The following PRICKLE2 variants were observed in gnomAD, a reference collection of about 807,000 sequenced individuals.
PRICKLE2 encodes prickle-like protein 2.
PRICKLE2 carries 21 observed loss-of-function variants against 81.4 expected under a neutral mutation model. The ratio of observed to expected loss-of-function variants is 0.26; its 90% CI spans 0.18 to 0.37. The LOEUF (loss-of-function observed/expected upper bound fraction) is 0.37. PRICKLE2 is among the 10% of genes least tolerant of loss of function. The probability of loss-of-function intolerance (pLI) is 1.00; values close to 1 mark genes in which losing one functional copy is unlikely to be tolerated. For missense variants in PRICKLE2, 940 were observed against 1,109.0 expected (o/e 0.85, Z 2.16); for synonymous variants, 456 against 421.5 (o/e 1.08, Z -1.00).
intron 1 of PRICKLE2, among the ~76,000 whole-genome samples, chr3:64,201,993 T>G (rs1389195507): frequency 2.0e-5 from 3 of 152,170 alleles, no homozygotes; most frequent in African/African-American, 2.4e-5. Context: ...AAAAGAATAA[T>G]CTTTCCCATT....
chr3:64,246,224 A>G (rs1171543295), intron 2 of PRICKLE2, among the ~76,000 whole-genome samples: 1 of 152,184 alleles, frequency 6.6e-6, no homozygotes, highest in Admixed American at 6.5e-5. Context: ...CCTGGGCGAC[A>G]AAGCAAGACT....
intron 1 of PRICKLE2, 146 bp downstream of exon 1, chr3:64,224,764 G>C: frequency 4.0e-6 from 1 of 253,052 alleles, no homozygotes; most frequent in Non-Finnish European, 6.2e-6. Context: ...AAAAGGGGTC[G>C]CAGGGCCACC....
Position 64,098,734 on chromosome 3 carries a change from T to C in PRICKLE2, c.*317A>G. On this transcript the variant is annotated 3_prime_UTR_variant, in exon 8 of 8. Coordinates refer to ENST00000638394, the MANE Select transcript of PRICKLE2 (RefSeq NM_198859.4). Reference sequence around the variant, plus strand: ...CTAAAAGTAAGAGAACCAGAGAGGATAAAAGCGAGCAGGAAACAATTTACC... The same window carrying C: ...CTAAAAGTAAGAGAACCAGAGAGGACAAAAGCGAGCAGGAAACAATTTACC... 2.7e-6 allele frequency: 1 copy of C among 371,032 alleles called. No individual in the cohort carries two copies. Among genetic ancestry groups the C allele is most frequent in the Non-Finnish European group, 5.0e-6 (1 of 198,766 alleles). The allele number at this position is 371,032 out of a possible 1,614,324, so 23.0% of individuals were successfully genotyped here.
chr3:64,165,798 C>T (rs938699230), intron 2 of PRICKLE2, among the ~76,000 whole-genome samples: 2 of 152,130 alleles, frequency 1.3e-5, no homozygotes, highest in African/African-American at 4.8e-5. Context: ...TGTGAGCCAC[C>T]CCATCAGGCC....
intron 2 of PRICKLE2, among the ~76,000 whole-genome samples, chr3:64,253,542 G>C (rs933786880): frequency 5.3e-5 from 8 of 152,156 alleles, no homozygotes; most frequent in Non-Finnish European, 7.3e-5. Context: ...CACTACTCTA[G>C]ATGATGAATT....
chr3:64,156,344 G>A (rs1199479149), intron 5 of PRICKLE2, among the ~76,000 whole-genome samples: 1 of 152,200 alleles, frequency 6.6e-6, no homozygotes, highest in Non-Finnish European at 1.5e-5. Flanking sequence ...GCTGAAAAAG[G>A]GGAGTGTTAC....
intron 1 of PRICKLE2, among the ~76,000 whole-genome samples, chr3:64,206,239 G>A (rs909027092): frequency 3.3e-5 from 5 of 152,148 alleles, no homozygotes; most frequent in Non-Finnish European, 5.9e-5. Flanking sequence ...AGTGTGCCTG[G>A]TGATTGTGAT....
chr3:64,258,530 G>C (rs2079560842), intron 2 of PRICKLE2, among the ~76,000 whole-genome samples: 1 of 152,028 alleles, frequency 6.6e-6, no homozygotes, highest in African/African-American at 2.4e-5. Context: ...TATGATGTTA[G>C]AAATCGGAGG....
At chr3:64,244,887 G>A (rs542608833) in intron 2 of PRICKLE2, among the ~76,000 whole-genome samples, 6 of 152,120 alleles carry the variant, frequency 3.9e-5, no homozygotes, top group Non-Finnish European at 8.8e-5. Flanking sequence ...TTCTCAACCA[G>A]TATGTCATAG....
intron 3 of PRICKLE2, among the ~76,000 whole-genome samples, 192 bp from the exon 4 acceptor site, chr3:64,160,269 G>A (rs915118504): frequency 2.0e-5 from 3 of 152,080 alleles, no homozygotes; most frequent in African/African-American, 7.2e-5. Flanking sequence ...CTAAGATTGC[G>A]GACAGCCAAA....
intron 2 of PRICKLE2, among the ~76,000 whole-genome samples, chr3:64,240,726 T>TA (rs2079252179): frequency 6.6e-6 from 1 of 152,146 alleles, no homozygotes; most frequent in Non-Finnish European, 1.5e-5. Context: ...GGAACTTGTT[T>TA]AAAGTGTGGA....
intron 2 of PRICKLE2, among the ~76,000 whole-genome samples, chr3:64,176,005 T>G (rs1575621435): frequency 6.6e-6 from 1 of 152,182 alleles, no homozygotes; most frequent in Non-Finnish European, 1.5e-5. Context: ...CATGTGTTAG[T>G]GACATCTATG....
intron 7 of PRICKLE2, among the ~76,000 whole-genome samples, chr3:64,117,778 A>G (rs1316150927): frequency 6.6e-6 from 1 of 152,216 alleles, no homozygotes; most frequent in African/African-American, 2.4e-5. Flanking sequence ...CATACTGCCC[A>G]AAGTAATTTA....
At chr3:64,199,086 T>A in intron 1 of PRICKLE2, 119 bp from the exon 2 acceptor site, 1 of 880,138 alleles carries the variant, frequency 1.1e-6, no homozygotes, top group Non-Finnish European at 1.8e-6. Flanking sequence ...GCAATGGGCA[T>A]CGGGCAAAGG....
chr3:64,105,841 G>T (rs924413095), intron 7 of PRICKLE2: 2 of 152,226 alleles, frequency 1.3e-5, no homozygotes, highest in African/African-American at 4.8e-5. Context: ...GGGTGACTTG[G>T]GGAAATTTGT....
At chr3:64,165,987 TG>T (rs2077824623) in intron 2 of PRICKLE2, among the ~76,000 whole-genome samples, 6 of 146,930 alleles carry the variant, frequency 4.1e-5, no homozygotes, top group African/African-American at 1.2e-4. Flanking sequence ...TGTGTGTGTG[TG>T]TGTGTGTGTG....
chr3:64,234,671 T>C (rs1245158939), intron 2 of PRICKLE2, among the ~76,000 whole-genome samples: 2 of 152,174 alleles, frequency 1.3e-5, no homozygotes, highest in Non-Finnish European at 2.9e-5. Context: ...TAAAGTTCGT[T>C]TATCTATTTT....
intron 7 of PRICKLE2, among the ~76,000 whole-genome samples, chr3:64,112,784 A>G (rs1194495577): frequency 1.3e-5 from 2 of 152,212 alleles, no homozygotes; most frequent in East Asian, 3.8e-4. Context: ...AATATACAGA[A>G]TCTATAAAGA....
At chr3:64,181,222 CAG>C (rs2078127338) in intron 2 of PRICKLE2, among the ~76,000 whole-genome samples, 1 of 152,116 alleles carries the variant, frequency 6.6e-6, no homozygotes, top group Non-Finnish European at 1.5e-5. Context: ...TGGCTCACGA[CAG>C]AGTCTTCTGA....
Sources: gnomAD v4.1 joint callset for allele counts (sites outside exome capture counted in the v4.1 genomes callset) on GRCh38, gnomAD v4.1.1 for gene constraint, MANE v1.5 for transcripts, NCBI Gene and HGNC (gene_info 2026-07-23, HGNC 2026-07-21) for gene names.